CCDC201: variants seen among roughly 807,000 people sequenced by gnomAD.
CCDC201 encodes coiled-coil domain-containing protein 201.
At chr7:45,878,138 C>T in the CCDC201 span, among the ~76,000 whole-genome samples, 1 of 152,208 alleles carries the variant, frequency 6.6e-6, no homozygotes, top group Non-Finnish European at 1.5e-5. Context: ...GGGGTGTTCT[C>T]CCAAGGCCTT....
chr7:45,874,607 G>A (rs1429291923), upstream of CCDC201, among the ~76,000 whole-genome samples: 2 of 152,222 alleles, frequency 1.3e-5, no homozygotes, highest in Non-Finnish European at 2.9e-5. Context: ...CTGACTGTCC[G>A]CTTTCAGAAC....
chr7:45,868,740 C>A (rs1365695686), intron 1 of CCDC201, among the ~76,000 whole-genome samples: 1 of 152,226 alleles, frequency 6.6e-6, no homozygotes, highest in Non-Finnish European at 1.5e-5. Context: ...TCCTCAACCA[C>A]CCTGCCCTCA....
At chr7:45,867,843 T>A (rs1428154326) in intron 1 of CCDC201, among the ~76,000 whole-genome samples, 1 of 152,234 alleles carries the variant, frequency 6.6e-6, no homozygotes, top group East Asian at 1.9e-4. Context: ...TAGTTAATTT[T>A]GGGGGAGGCA....
chr7:45,879,066 C>T, the CCDC201 span, among the ~76,000 whole-genome samples: 62,433 of 152,048 alleles, frequency 0.41, 13,362 homozygotes, highest in East Asian at 0.56. Context: ...ACAGATCCCT[C>T]GAGCAGGGGC....
intron 1 of CCDC201, among the ~76,000 whole-genome samples, chr7:45,872,773 G>A (rs1163457991): frequency 2.6e-5 from 4 of 152,148 alleles, no homozygotes; most frequent in African/African-American, 4.8e-5. Context: ...CAAGGCTCCC[G>A]AGGACCCCAG....
upstream of CCDC201, among the ~76,000 whole-genome samples, chr7:45,877,246 C>T (rs952695208): frequency 1.3e-5 from 2 of 152,144 alleles, no homozygotes; most frequent in Non-Finnish European, 2.9e-5. Flanking sequence ...CTTCTCTGCC[C>T]CCATTTCCAT....
chr7:45,872,355 A>T (rs545289010), intron 1 of CCDC201, among the ~76,000 whole-genome samples: 2 of 152,286 alleles, frequency 1.3e-5, no homozygotes, highest in Admixed American at 6.5e-5. Context: ...GGTGCTAAGG[A>T]CAGGTTTTAA....
the CCDC201 span, among the ~76,000 whole-genome samples, chr7:45,880,491 G>A: frequency 6.6e-6 from 1 of 152,276 alleles, no homozygotes; most frequent in East Asian, 1.9e-4. Flanking sequence ...GCAGGTGATG[G>A]CCTGCCAGGT....
upstream of CCDC201, among the ~76,000 whole-genome samples, chr7:45,873,910 C>A (rs554938640): frequency 1.0e-3 from 143 of 141,224 alleles, 2 homozygotes; most frequent in Middle Eastern, 0.014. Flanking sequence ...TTTTATTATT[C>A]ATTTACTTAC....
At chr7:45,876,090 G>A (rs1010890942), upstream of CCDC201, among the ~76,000 whole-genome samples, 1 of 152,298 alleles carries the variant, frequency 6.6e-6, no homozygotes, top group Non-Finnish European at 1.5e-5. Context: ...GAGTCAAGAG[G>A]ACAGCAGAGT....
upstream of CCDC201, among the ~76,000 whole-genome samples, chr7:45,874,264 C>A (rs1202082414): frequency 2.6e-5 from 4 of 152,190 alleles, no homozygotes; most frequent in East Asian, 5.8e-4. Context: ...GGGCAAATTG[C>A]TGGAGTTTAC....
chr7:45,877,067 G>T (rs1448449925), upstream of CCDC201, among the ~76,000 whole-genome samples: 3 of 152,170 alleles, frequency 2.0e-5, no homozygotes, highest in Non-Finnish European at 4.4e-5. Flanking sequence ...GGCCTTGGAG[G>T]GGACACATAG....
chr7:45,865,404 G>A (rs1220281880), intron 2 of CCDC201, among the ~76,000 whole-genome samples: 1 of 152,160 alleles, frequency 6.6e-6, no homozygotes, highest in Non-Finnish European at 1.5e-5. Context: ...GTGAAGGTGG[G>A]ACATCCCTGT....
chr7:45,878,664 C>T, the CCDC201 span, among the ~76,000 whole-genome samples: 1 of 152,262 alleles, frequency 6.6e-6, no homozygotes, highest in Non-Finnish European at 1.5e-5. Context: ...GGGCCCTCAG[C>T]CTGGCCCACA....
At chr7:45,862,138 G>C (rs906531369) in exon 3 of CCDC201, 1 of 152,236 alleles carries the variant, frequency 6.6e-6, no homozygotes, top group East Asian at 1.9e-4. Context: ...CCATGTAACT[G>C]TTAAAGGTTA....
chr7:45,880,332 A>G, the CCDC201 span, among the ~76,000 whole-genome samples: 1 of 152,280 alleles, frequency 6.6e-6, no homozygotes, highest in Non-Finnish European at 1.5e-5. Context: ...GAAAAGTTGG[A>G]AACAAACCAC....
chr7:45,872,435 T>G lies in CCDC201; in HGVS notation c.18+555A>C, dbSNP rs541287916. 2.2e-4 allele frequency among the ~76,000 whole-genome samples: 34 copies of G among 152,360 alleles called. 1 individual carries two copies. In the South Asian group the frequency reaches 6.8e-3, roughly 31 times the overall value. On this transcript the variant is annotated intron_variant, in intron 1 of 2. Transcript: ENST00000636578. ...TTTGCATCTAGAGCATGAGGTGTCC[T>G]GTCACTGTGCCCTGGGGCTGCTGGT...
chr7:45,869,075 C>T (rs1465046462), intron 1 of CCDC201, among the ~76,000 whole-genome samples: 1 of 150,956 alleles, frequency 6.6e-6, no homozygotes, highest in Admixed American at 6.6e-5. Flanking sequence ...TCTCATGTCA[C>T]TGACTCTTTT....
At chr7:45,876,287 G>A (rs1472462497), upstream of CCDC201, among the ~76,000 whole-genome samples, 1 of 152,278 alleles carries the variant, frequency 6.6e-6, no homozygotes, top group Non-Finnish European at 1.5e-5. Flanking sequence ...CTCTTACCTG[G>A]TGAGGAACCC....
Sources: gnomAD v4.1 joint callset for allele counts (sites outside exome capture counted in the v4.1 genomes callset) on GRCh38, gnomAD v4.1.1 for gene constraint, MANE v1.5 for transcripts, NCBI Gene and HGNC (gene_info 2026-07-23, HGNC 2026-07-21) for gene names.